SPATA22: variants seen among roughly 807,000 people sequenced by gnomAD.
SPATA22 encodes the protein spermatogenesis associated 22, also known as spermatogenesis-associated protein 22.
In SPATA22, 29 loss-of-function variants were observed where a neutral mutation model predicts 47.8. The observed-to-expected ratio is 0.61, with a 90% CI of 0.45 to 0.83. The LOEUF (loss-of-function observed/expected upper bound fraction) is 0.83. Ranked by LOEUF, SPATA22 falls within the 40% of genes least tolerant of loss-of-function variation. SPATA22 has a pLI of 0.00. For missense variants in SPATA22, 410 were observed against 421.7 expected (o/e 0.97, Z 0.24); for synonymous variants, 133 against 140.9 (o/e 0.94, Z 0.40).
intron 8 of SPATA22, 137 bp from the exon 9 acceptor site, chr17:3,440,475 G>T: frequency 1.6e-6 from 1 of 611,612 alleles, no homozygotes; most frequent in Non-Finnish European, 2.7e-6. Flanking sequence ...GGGCCCCACT[G>T]CTAACAAGAC....
At chr17:3,447,584 C>A (rs1360786329) in intron 6 of SPATA22, among the ~76,000 whole-genome samples, 5 of 152,094 alleles carry the variant, frequency 3.3e-5, no homozygotes, top group Non-Finnish European at 7.4e-5. Context: ...ACAAAACATG[C>A]AAAAACAAAT....
At chr17:3,451,107 GA>G (rs2072848927) in intron 5 of SPATA22, among the ~76,000 whole-genome samples, 1 of 152,146 alleles carries the variant, frequency 6.6e-6, no homozygotes, top group Admixed American at 6.5e-5. Context: ...AGAATAAAGG[GA>G]TGGAAAAAGA....
At chr17:3,467,685 T>A in intron 2 of SPATA22, 131 bp from the exon 3 acceptor site, 1 of 666,166 alleles carries the variant, frequency 1.5e-6, no homozygotes, top group Non-Finnish European at 2.2e-6. Context: ...TAGATTTCTA[T>A]AACCTTAGAA....
At chr17:3,501,267 G>A (rs1412479771) in intron 1 of SPATA22, 1 of 152,238 alleles carries the variant, frequency 6.6e-6, no homozygotes, top group Non-Finnish European at 1.5e-5. Context: ...CTCTGGAAAG[G>A]ATTCAGCATT....
chr17:3,464,311 G>A (rs1395163205), intron 3 of SPATA22, among the ~76,000 whole-genome samples: 1 of 151,290 alleles, frequency 6.6e-6, no homozygotes. Flanking sequence ...GAGTGCAGTG[G>A]CGTGATCTCG....
At chr17:3,473,084 C>A (rs2073469135), upstream of SPATA22, among the ~76,000 whole-genome samples, 1 of 149,674 alleles carries the variant, frequency 6.7e-6, no homozygotes, top group Non-Finnish European at 1.5e-5. Context: ...CACACACCCA[C>A]CCACCCCAAA....
At chr17:3,470,015 C>A (rs529921020) in intron 1 of SPATA22, among the ~76,000 whole-genome samples, 1 of 145,178 alleles carries the variant, frequency 6.9e-6, no homozygotes, top group East Asian at 2.1e-4. Context: ...ATCGCTTGAG[C>A]CCGAGAGGCC....
chr17:3,508,897 T>TAA lies in SPATA22; in HGVS notation c.-74+4513_-74+4514dup, dbSNP rs59201485. On this transcript the variant is annotated intron_variant, in intron 1 of 8. Transcript: ENST00000541913. ...CACATGTACCCTAAAGCTTAAAGTA[T>TAA]AAAAAAAAAAAAAAAAAAAAAAAAG... Among the ~76,000 whole-genome samples the TAA allele has an allele frequency of 3.7e-3, 413 of 112,676 alleles. 1 individual carries two copies. Among genetic ancestry groups the TAA allele is most frequent in the African/African-American group, 8.0e-3 (218 of 27,216 alleles). The allele number at this position is 112,676 out of a possible 152,430, so 73.9% of individuals were successfully genotyped here. A position where few individuals can be genotyped will look rare whatever the true frequency, so the allele number is the denominator to read the frequency against.
intron 1 of SPATA22, chr17:3,481,629 A>T: frequency 1.9e-6 from 3 of 1,613,806 alleles, no homozygotes. Flanking sequence ...GATTTGCCAT[A>T]TGAAGTGAGA....
intron 1 of SPATA22, chr17:3,501,380 G>A (rs1413192086): frequency 6.6e-6 from 1 of 152,298 alleles, no homozygotes; most frequent in Non-Finnish European, 1.5e-5. Flanking sequence ...GGATGACTCT[G>A]AGGAATTCGA....
chr17:3,450,769 T>C (rs1439107171), intron 5 of SPATA22, among the ~76,000 whole-genome samples: 1 of 151,700 alleles, frequency 6.6e-6, no homozygotes, highest in East Asian at 1.9e-4. Flanking sequence ...TCAGCACATT[T>C]GTAGTAATGC....
chr17:3,441,208 A>C (rs1432440162), intron 8 of SPATA22: 1 of 152,112 alleles, frequency 6.6e-6, no homozygotes, highest in Non-Finnish European at 1.5e-5. Flanking sequence ...TCTGTTTATC[A>C]AAAGCCATCA....
intron 5 of SPATA22, among the ~76,000 whole-genome samples, chr17:3,457,648 A>G (rs895790907): frequency 6.6e-6 from 1 of 152,102 alleles, no homozygotes; most frequent in African/African-American, 2.4e-5. Context: ...TCAACAGAAT[A>G]GAGAGCCCAG....
At chr17:3,493,793 C>A (rs2073865136) in intron 1 of SPATA22, among the ~76,000 whole-genome samples, 1 of 152,044 alleles carries the variant, frequency 6.6e-6, no homozygotes, top group African/African-American at 2.4e-5. Flanking sequence ...GTCTCCTGAC[C>A]CCTAAACCTA....
At chr17:3,442,978 T>A (rs991517287) in intron 8 of SPATA22, among the ~76,000 whole-genome samples, 196 bp downstream of exon 8, 2 of 151,890 alleles carry the variant, frequency 1.3e-5, no homozygotes, top group African/African-American at 4.8e-5. Flanking sequence ...CCACTTTATA[T>A]CCCTCAAACC....
chr17:3,506,531 C>T (rs998927764), intron 1 of SPATA22, among the ~76,000 whole-genome samples: 32 of 152,126 alleles, frequency 2.1e-4, no homozygotes, highest in African/African-American at 7.2e-4. Context: ...AACAGAAAAA[C>T]GTCATTTTTA....
chr17:3,457,509 AC>A (rs1414009851), intron 5 of SPATA22, among the ~76,000 whole-genome samples: 1 of 141,738 alleles, frequency 7.1e-6, no homozygotes, highest in Non-Finnish European at 1.5e-5. Flanking sequence ...ACCACAAAAG[AC>A]TCTGAATAGC....
In SPATA22 at chr17:3,493,891, C is replaced by A. The variant is rs571887257; in HGVS notation, c.-74+19521G>T. Among the ~76,000 whole-genome samples, 14 of 152,284 alleles carry A rather than the reference C, an allele frequency of 9.2e-5. 2 individuals are homozygous for A. The South Asian group carries it at 2.7e-3, about 29-fold the overall frequency. ...TTGTGGACAGAGTGCTGATAGGAATCATTCAAGGACATCTTTTGGCCTAGT... is the reference window on the plus strand; with the variant it reads ...TTGTGGACAGAGTGCTGATAGGAATAATTCAAGGACATCTTTTGGCCTAGT... On this transcript the variant is annotated intron_variant, in intron 1 of 8. Coordinates refer to the SPATA22 transcript ENST00000541913.
At chr17:3,489,492 C>A in intron 1 of SPATA22, 1 of 622,774 alleles carries the variant, frequency 1.6e-6, no homozygotes. Flanking sequence ...CCAGGATAGA[C>A]ACATTCAAGA....
Sources: gnomAD v4.1 joint callset for allele counts (sites outside exome capture counted in the v4.1 genomes callset) on GRCh38, gnomAD v4.1.1 for gene constraint, MANE v1.5 for transcripts, NCBI Gene and HGNC (gene_info 2026-07-23, HGNC 2026-07-21) for gene names.